Variants in HMCN1 observed in about 807,000 individuals in gnomAD.
HMCN1 encodes hemicentin-1.
In HMCN1, 321 loss-of-function variants were observed where a neutral mutation model predicts 625.9. That is an observed-to-expected ratio of 0.51 (90% CI 0.47 to 0.56). The LOEUF (loss-of-function observed/expected upper bound fraction) is 0.56. Among genes scored for constraint, HMCN1 ranks in the 20% least tolerant of loss-of-function variants. The probability of loss-of-function intolerance (pLI) is 0.00; values close to 1 mark genes in which losing one functional copy is unlikely to be tolerated. For synonymous variants in HMCN1, 2,425 were observed against 2,417.6 expected, an observed-to-expected ratio of 1.00 and a Z score of -0.09; for missense variants, 6,588 against 6,887.3, an observed-to-expected ratio of 0.96 and a Z score of 1.54.
chr1:186,130,836 A>G, intron 85 of HMCN1, 139 bp downstream of exon 85: 1 of 842,536 alleles, frequency 1.2e-6, no homozygotes, highest in East Asian at 2.6e-5. Flanking sequence ...CTTTTAAAAA[A>G]CTGAAACAAG....
intron 49 of HMCN1, among the ~76,000 whole-genome samples, chr1:186,066,319 CTG>C (rs939756022): frequency 3.3e-5 from 5 of 151,804 alleles, no homozygotes; most frequent in African/African-American, 1.2e-4. Context: ...TCATTGAAGA[CTG>C]AGGGATCTAG....
At chr1:186,005,330 T>A (rs1033468688) in intron 29 of HMCN1, among the ~76,000 whole-genome samples, 11 of 146,526 alleles carry the variant, frequency 7.5e-5, no homozygotes, top group Admixed American at 5.4e-4. Flanking sequence ...TTATAAACAA[T>A]TTTTTAATTG....
At chr1:185,997,554 G>T in intron 25 of HMCN1, 30 bp downstream of exon 25, 1 of 1,432,754 alleles carries the variant, frequency 7.0e-7, no homozygotes, top group Non-Finnish European at 9.8e-7. Context: ...ATAGGCATTG[G>T]CATAATGTTA....
chr1:186,033,676 T>A (rs531860750), intron 36 of HMCN1, among the ~76,000 whole-genome samples: 1 of 152,224 alleles, frequency 6.6e-6, no homozygotes, highest in Non-Finnish European at 1.5e-5. Flanking sequence ...TTAAAATAGC[T>A]GATTTAAAGT....
intron 63 of HMCN1, among the ~76,000 whole-genome samples, chr1:186,089,635 T>A (rs1288193090): frequency 3.3e-5 from 5 of 152,036 alleles, no homozygotes; most frequent in African/African-American, 1.2e-4. Flanking sequence ...TAATAACAGA[T>A]GCTAATCATG....
intron 5 of HMCN1, among the ~76,000 whole-genome samples, chr1:185,909,855 AT>A: frequency 6.6e-6 from 1 of 152,256 alleles, no homozygotes; most frequent in Non-Finnish European, 1.5e-5. Context: ...ATTTTACATT[AT>A]TTTTAAATGG....
In HMCN1 at chr1:186,023,115, C is replaced by T. The variant is rs1357182568; in HGVS notation, c.5711C>T (p.Ala1904Val). 3 of 1,613,210 alleles carry T rather than the reference C, an allele frequency of 1.9e-6. No individual in the cohort carries two copies. Among genetic ancestry groups the T allele is most frequent in the Non-Finnish European group, 1.7e-6 (2 of 1,179,370 alleles). The change falls in exon 36 of 107, where the codon GCT becomes GTT. Residue 1904 changes from alanine (A) to valine (V), a missense_variant. By Grantham distance (64) the Ala-to-Val change is moderately conservative. Transcript: ENST00000271588. ...TACACATGTGTGGCTACCAACGCAG[C>T]TGGAGAAACACAACAGCACATTCAA... ...GRYTCVATNAAGETQQHIQLH... is the reference protein window; with the variant it reads ...GRYTCVATNAVGETQQHIQLH...
intron 11 of HMCN1, among the ~76,000 whole-genome samples, chr1:185,950,380 G>T (rs1413214176): frequency 6.6e-6 from 1 of 152,010 alleles, no homozygotes; most frequent in Non-Finnish European, 1.5e-5. Context: ...GGCAGCCGCT[G>T]CACGCAGACA....
chr1:186,175,896 GA>G (rs1466714900), intron 103 of HMCN1, among the ~76,000 whole-genome samples: 12 of 105,330 alleles, frequency 1.1e-4, no homozygotes, highest in East Asian at 4.4e-4. Flanking sequence ...AAAAAAGAAA[GA>G]AAAGAAAAGA....
intron 11 of HMCN1, among the ~76,000 whole-genome samples, chr1:185,934,087 G>T (rs908489159): frequency 1.3e-5 from 2 of 152,100 alleles, no homozygotes; most frequent in Non-Finnish European, 2.9e-5. Flanking sequence ...TATAAAAATT[G>T]TCTCTGGATA....
intron 1 of HMCN1, among the ~76,000 whole-genome samples, chr1:185,779,806 T>C (rs1413771256): frequency 2.6e-5 from 4 of 152,236 alleles, no homozygotes; most frequent in South Asian, 2.1e-4. Context: ...GTTCTTTTGG[T>C]TTAGGATTGT....
At chr1:185,743,507 A>C (rs1654128288) in intron 1 of HMCN1, among the ~76,000 whole-genome samples, 2 of 152,210 alleles carry the variant, frequency 1.3e-5, no homozygotes, top group South Asian at 4.1e-4. Flanking sequence ...GCTGTATGCT[A>C]TAAGGCAGTC....
intron 68 of HMCN1, among the ~76,000 whole-genome samples, chr1:186,102,273 C>T (rs1230164921): frequency 6.6e-6 from 1 of 152,004 alleles, no homozygotes; most frequent in Non-Finnish European, 1.5e-5. Context: ...TCATGTGGGA[C>T]AGTGGTGTAG....
intron 24 of HMCN1, 24 bp downstream of exon 24, chr1:185,995,111 T>G: frequency 6.2e-7 from 1 of 1,609,378 alleles, no homozygotes; most frequent in Non-Finnish European, 8.5e-7. Context: ...CAGGAAAATA[T>G]ATGTATGTAG....
chr1:185,897,622 C>T (rs1258644182), intron 4 of HMCN1, among the ~76,000 whole-genome samples: 2 of 152,228 alleles, frequency 1.3e-5, no homozygotes, highest in Non-Finnish European at 2.9e-5. Context: ...GCTCATCCTT[C>T]AATTTTCAAT....
At chr1:186,178,787 A>G in intron 104 of HMCN1, 21 bp downstream of exon 104, 2 of 1,506,146 alleles carry the variant, frequency 1.3e-6, no homozygotes, top group Non-Finnish European at 1.8e-6. Context: ...GCCATATTAC[A>G]TTTCCTTTCT....
rs749747442 is a variant in HMCN1 at position 185,922,511 on chromosome 1, C to A, written c.1021+12C>A. 3 of 1,598,826 alleles carry A rather than the reference C, an allele frequency of 1.9e-6. No individual in the cohort carries two copies. Among genetic ancestry groups the A allele is most frequent in the Admixed American group, 3.4e-5 (2 of 58,498 alleles). ...CAGACCAGTGCAAGGTTTGTATGTGCATATTATTTAAATTGACATAATAGA... is the reference window on the plus strand; with the variant it reads ...CAGACCAGTGCAAGGTTTGTATGTGAATATTATTTAAATTGACATAATAGA... On this transcript the variant is annotated intron_variant, in intron 7 of 106. Transcript: ENST00000271588.
chr1:186,110,880 G>A (rs1381657282), intron 71 of HMCN1, among the ~76,000 whole-genome samples: 1 of 151,658 alleles, frequency 6.6e-6, no homozygotes, highest in Non-Finnish European at 1.5e-5. Flanking sequence ...AGTGGAACAG[G>A]AAGTGAGATT....
chr1:185,888,090 G>A (rs1013408148), intron 4 of HMCN1, among the ~76,000 whole-genome samples: 2 of 134,740 alleles, frequency 1.5e-5, no homozygotes, highest in African/African-American at 6.1e-5. Context: ...GTGTTTTTTG[G>A]CTGCATAAAT....
Sources: gnomAD v4.1 joint callset for allele counts (sites outside exome capture counted in the v4.1 genomes callset) on GRCh38, gnomAD v4.1.1 for gene constraint, MANE v1.5 for transcripts, NCBI Gene and HGNC (gene_info 2026-07-23, HGNC 2026-07-21) for gene names.